The following MGST1 variants were observed in gnomAD, a reference collection of about 807,000 sequenced individuals.
The protein encoded by MGST1 is glutathione S-transferase 12.
In MGST1, 5 loss-of-function variants were observed where a neutral mutation model predicts 8.9. The ratio of observed to expected loss-of-function variants is 0.56; its 90% CI spans 0.29 to 1.19. MGST1 has a LOEUF of 1.19. Among genes scored for constraint, MGST1 ranks in the 50% most tolerant of loss-of-function variants. The pLI is 0.08. For synonymous variants in MGST1, 54 were observed against 67.8 expected (o/e 0.80, Z 1.00); for missense variants, 182 against 187.4 (o/e 0.97, Z 0.17).
At position 16,395,780 on chromosome 12, in the gene MGST1, CATAT is replaced by C. The variant is rs369986291; in HGVS notation, n.778+12198_778+12201del. ...CTTTAATGGCTGAGTAGTATTCCAT[CATAT>C]ATATATATATATATATATATACACA... On this transcript the variant is annotated intron_variant and non_coding_transcript_variant, in intron 1 of 1. Transcript: ENST00000359720. Among the ~76,000 whole-genome samples the C allele has an allele frequency of 8.9e-4, 108 of 121,850 alleles. 2 individuals are homozygous for C. Among genetic ancestry groups the C allele is most frequent in the East Asian group, 2.8e-3 (10 of 3,510 alleles). The allele number at this position is 121,850 out of a possible 152,430, so 79.9% of individuals were successfully genotyped here. A position where few individuals can be genotyped will look rare whatever the true frequency, so the allele number is the denominator to read the frequency against.
intron 4 of MGST1, among the ~76,000 whole-genome samples, chr12:16,505,789 C>A (rs899460967): frequency 2.6e-5 from 4 of 152,146 alleles, no homozygotes; most frequent in Non-Finnish European, 4.4e-5. Context: ...TTTGTTGACA[C>A]CTTATTGCTT....
chr12:16,486,201 G>A (rs1941398342), intron 4 of MGST1, among the ~76,000 whole-genome samples: 2 of 152,004 alleles, frequency 1.3e-5, no homozygotes, highest in South Asian at 4.1e-4. Context: ...TTTTTCCATT[G>A]GATAGATCAC....
At chr12:16,484,697 T>A (rs577611924) in intron 4 of MGST1, among the ~76,000 whole-genome samples, 2 of 151,878 alleles carry the variant, frequency 1.3e-5, no homozygotes, top group Non-Finnish European at 1.5e-5. Context: ...GAGAACTTAG[T>A]GTCATGAGAA....
rs1455336278 is a variant in MGST1, at chr12:16,503,004, G to A, written n.483-86524G>A. Among the ~76,000 whole-genome samples, 1 of 152,186 alleles carries A rather than the reference G, an allele frequency of 6.6e-6. No homozygotes were observed. Among genetic ancestry groups the A allele is most frequent in the Non-Finnish European group, 1.5e-5 (1 of 68,024 alleles). On this transcript the variant is annotated intron_variant and non_coding_transcript_variant, in intron 4 of 4. Coordinates refer to the MGST1 transcript ENST00000538857. This position sits in a 1 kb window ranked among gnomAD's most constrained non-coding sequence, Gnocchi z 4.8. Reference sequence around the variant, plus strand: ...CTGGTGTTAGCTCTAGGATTTTGAGGTAGAGCAGTATGACATTAGGAGTAG... The same window carrying A: ...CTGGTGTTAGCTCTAGGATTTTGAGATAGAGCAGTATGACATTAGGAGTAG...
At chr12:16,375,316 T>C (rs1940360777) in intron 3 of MGST1, among the ~76,000 whole-genome samples, 1 of 152,192 alleles carries the variant, frequency 6.6e-6, no homozygotes, top group African/African-American at 2.4e-5. Flanking sequence ...GTTTTAAAGA[T>C]GTGACTTTGA....
chr12:16,463,876 T>C (rs1311197665), intron 4 of MGST1, among the ~76,000 whole-genome samples: 1 of 152,216 alleles, frequency 6.6e-6, no homozygotes, highest in Non-Finnish European at 1.5e-5. Context: ...AAGATTACTT[T>C]AACGTTAAAT....
intron 1 of MGST1, among the ~76,000 whole-genome samples, chr12:16,423,029 G>T (rs1270700155): frequency 6.6e-6 from 1 of 152,066 alleles, no homozygotes; most frequent in Non-Finnish European, 1.5e-5. Context: ...CTTTTCCCCT[G>T]ACTCTGTTTG....
At chr12:16,554,422 T>A (rs1047632986) in intron 4 of MGST1, among the ~76,000 whole-genome samples, 2 of 152,200 alleles carry the variant, frequency 1.3e-5, no homozygotes, top group Non-Finnish European at 2.9e-5. Context: ...ACATCTTCAG[T>A]TAACTGTAAG....
chr12:16,542,236 G>A (rs1463024062), intron 4 of MGST1, among the ~76,000 whole-genome samples: 1 of 152,152 alleles, frequency 6.6e-6, no homozygotes. Context: ...AAAAAGCTAT[G>A]AAATAGAAAC....
downstream of MGST1, among the ~76,000 whole-genome samples, chr12:16,368,854 G>C (rs1439925780): frequency 2.0e-5 from 3 of 152,060 alleles, no homozygotes; most frequent in African/African-American, 7.2e-5. Context: ...GCCTTTTACT[G>C]AAGTTTAGGA....
chr12:16,565,854 C>T (rs925503125), intron 4 of MGST1, among the ~76,000 whole-genome samples: 6 of 150,696 alleles, frequency 4.0e-5, no homozygotes, highest in Admixed American at 1.3e-4. Flanking sequence ...TTAAAAATCC[C>T]ACTACTGGAA....
At position 16,548,435 on chromosome 12, in the gene MGST1, A is replaced by C. The variant is rs978182027; in HGVS notation, n.483-41093A>C. 1.3e-5 allele frequency: 2 copies of C among 152,210 alleles called. No individual in the cohort carries two copies. The highest frequency in any genetic ancestry group is 4.8e-5 in the African/African-American group (2 of 41,450). The allele number at this position is 152,210 out of a possible 1,614,324, so 9.4% of individuals were successfully genotyped here. On this transcript the variant is annotated intron_variant and non_coding_transcript_variant, in intron 4 of 4. Coordinates refer to the MGST1 transcript ENST00000538857. This position sits in a 1 kb window ranked among gnomAD's most constrained non-coding sequence, Gnocchi z 4.2. Reference sequence around the variant, plus strand: ...TGTAAAAAAGTGAATGAAAGAATCCAGCAGATATTTATTAAGCAAGATGAA... The same window carrying C: ...TGTAAAAAAGTGAATGAAAGAATCCCGCAGATATTTATTAAGCAAGATGAA...
chr12:16,530,312 GT>G (rs1024832120), intron 4 of MGST1, among the ~76,000 whole-genome samples: 2 of 151,892 alleles, frequency 1.3e-5, no homozygotes, highest in East Asian at 1.9e-4. Flanking sequence ...AAGGGTCTTT[GT>G]TTTTTTAAAA....
intron 4 of MGST1, among the ~76,000 whole-genome samples, chr12:16,580,058 T>C (rs866302138): frequency 6.6e-6 from 1 of 152,208 alleles, no homozygotes; most frequent in Non-Finnish European, 1.5e-5. Flanking sequence ...AGATAACAGA[T>C]ATTATGTATT....
intron 3 of MGST1, chr12:16,360,224 A>G: frequency 2.2e-6 from 1 of 462,372 alleles, no homozygotes; most frequent in Non-Finnish European, 2.8e-6. Context: ...GACACTTTTC[A>G]GAGAGAGCGT....
chr12:16,554,300 G>A (rs1054435366), intron 4 of MGST1, among the ~76,000 whole-genome samples: 4 of 152,130 alleles, frequency 2.6e-5, no homozygotes, highest in Non-Finnish European at 5.9e-5. Context: ...TGTTAGCCTA[G>A]CCATCTTCTT....
downstream of MGST1, among the ~76,000 whole-genome samples, chr12:16,591,269 C>A (rs1451056556): frequency 6.6e-6 from 1 of 151,948 alleles, no homozygotes; most frequent in Non-Finnish European, 1.5e-5. The surrounding 1 kb of genome is among the most constrained non-coding windows in gnomAD (Gnocchi z 4.1). Flanking sequence ...GGCCTTTGTA[C>A]TGGATGTTCC....
chr12:16,387,515 C>T (rs1940513849), intron 1 of MGST1, among the ~76,000 whole-genome samples: 1 of 150,592 alleles, frequency 6.6e-6, no homozygotes, highest in Admixed American at 6.7e-5. Flanking sequence ...GATAAATGCC[C>T]TATACAGGTA....
chr12:16,504,255 G>A (rs1417544626), intron 4 of MGST1, among the ~76,000 whole-genome samples: 1 of 152,068 alleles, frequency 6.6e-6, no homozygotes, highest in African/African-American at 2.4e-5. Context: ...AGCAAACAAT[G>A]TTAGTAAAAT....
Sources: allele counts gnomAD v4.1 joint callset (sites outside exome capture counted in the v4.1 genomes callset), GRCh38; gene constraint gnomAD v4.1.1; non-coding constraint Gnocchi (gnomAD v3.1); transcripts MANE v1.5; gene names NCBI Gene and HGNC (gene_info 2026-07-23, HGNC 2026-07-21).